The following NELFA variants were observed in gnomAD, a reference collection of about 807,000 sequenced individuals.
NELFA encodes the protein negative elongation factor A.
NELFA carries 35 observed loss-of-function variants against 51.8 expected under a neutral mutation model. The ratio of observed to expected loss-of-function variants is 0.68; its 90% CI spans 0.52 to 0.90. The LOEUF (loss-of-function observed/expected upper bound fraction) is 0.90. NELFA is among the 40% of genes least tolerant of loss of function. The pLI, the probability that NELFA is intolerant of heterozygous loss-of-function variation, is 0.00. For synonymous variants in NELFA, 417 were observed against 338.4 expected (o/e 1.23, Z -2.55); for missense variants, 658 against 746.4 (o/e 0.88, Z 1.38).
rs967508420 is a variant in NELFA, at chr4:1,989,612, G to A, written c.544+96C>T. The A allele has an allele frequency of 2.1e-5, 29 of 1,371,722 alleles. 1 individual carries two copies. Among genetic ancestry groups the A allele is most frequent in the South Asian group, 9.8e-5 (7 of 71,576 alleles). 85.0% of individuals were successfully genotyped at this position (1,371,722 alleles called of 1,614,324 possible). ...TGAGCCACCATGCCTGGCCCAGAAC[G>A]CCACCTTGAAGGGGCAGTCTTGGTA... is the stretch of plus-strand genomic sequence containing the variant. On this transcript the variant is annotated intron_variant, in intron 3 of 10. Coordinates refer to ENST00000382882, the MANE Select transcript of NELFA (RefSeq NM_005663.5). This position sits in a 1 kb window ranked among gnomAD's most constrained non-coding sequence, Gnocchi z 4.8.
At chr4:1,983,780 G>T in intron 9 of NELFA, 68 bp downstream of exon 9, 1 of 1,593,666 alleles carries the variant, frequency 6.3e-7, no homozygotes, top group South Asian at 1.1e-5. Flanking sequence ...GCACCCCCAC[G>T]CTAGGGGAGG....
rs140608861 is a variant in NELFA, at chr4:1,988,365, C to T, written c.545-358G>A. Among the ~76,000 whole-genome samples the T allele has an allele frequency of 5.1e-3, 772 of 152,360 alleles. 7 individuals carry two copies. The highest frequency in any genetic ancestry group is 0.017 in the African/African-American group (718 of 41,586). Reference sequence around the variant, plus strand: ...CGTCCTCGCTGAGGGTCAGCAGGCACGGTCTAGATACAAAAATATGAGGAA... The same window carrying T: ...CGTCCTCGCTGAGGGTCAGCAGGCATGGTCTAGATACAAAAATATGAGGAA... On this transcript the variant is annotated intron_variant, in intron 3 of 10. Transcript: ENST00000382882.
At chr4:2,006,007 GT>G (rs1275947864) in intron 1 of NELFA, among the ~76,000 whole-genome samples, 1 of 152,188 alleles carries the variant, frequency 6.6e-6, no homozygotes, top group East Asian at 1.9e-4. Context: ...TAAGATACAT[GT>G]GGAAGTGTGA....
intron 1 of NELFA, 144 bp downstream of exon 1, chr4:2,008,606 G>A (rs1577635175): frequency 3.4e-6 from 3 of 892,038 alleles, no homozygotes; most frequent in East Asian, 2.7e-5. Flanking sequence ...AGGAGGGGGC[G>A]TGAGGGCGGG....
chr4:1,983,530 G>A (rs553148), intron 10 of NELFA, 27 bp from the exon 11 acceptor site: 325,036 of 1,612,030 alleles, frequency 0.2, 34,679 homozygotes, highest in African/African-American at 0.37. Flanking sequence ...CTGCTGGGTG[G>A]GTGTCTGGGG....
At chr4:1,985,036 G>T (rs1299847276) in intron 7 of NELFA, 117 bp from the exon 8 acceptor site, 16 of 714,478 alleles carry the variant, frequency 2.2e-5, no homozygotes, top group Admixed American at 1.5e-4. Context: ...GCTAGAGCAG[G>T]AAGGCGGGGG....
rs1309434631 is a variant in NELFA at position 1,983,201 on chromosome 4, C to G, written c.*118G>C. The G allele has an allele frequency of 2.0e-6, 2 of 994,848 alleles. No individual in the cohort carries two copies. Among genetic ancestry groups the G allele is most frequent in the Non-Finnish European group, 2.9e-6 (2 of 682,410 alleles). The allele number at this position is 994,848 out of a possible 1,614,324, so 61.6% of individuals were successfully genotyped here. A position where few individuals can be genotyped will look rare whatever the true frequency, so the allele number is the denominator to read the frequency against. On this transcript the variant is annotated 3_prime_UTR_variant, in exon 11 of 11. Transcript: ENST00000382882. ...AACTTAAAACAGGCTGGGTCAGCAGCAGGGCGGCGGCCGGGGGACCTCGGG... is the reference window on the plus strand; with the variant it reads ...AACTTAAAACAGGCTGGGTCAGCAGGAGGGCGGCGGCCGGGGGACCTCGGG...
intron 1 of NELFA, among the ~76,000 whole-genome samples, chr4:2,006,635 G>T (rs569357238): frequency 6.6e-6 from 1 of 151,910 alleles, no homozygotes; most frequent in African/African-American, 2.4e-5. Context: ...GCCAGGCGTG[G>T]TGGCAGCGCA....
At chr4:2,006,456 G>C (rs1385920103) in intron 1 of NELFA, among the ~76,000 whole-genome samples, 1 of 152,096 alleles carries the variant, frequency 6.6e-6, no homozygotes, top group African/African-American at 2.4e-5. Context: ...TTAAAACTAG[G>C]AGCTTCTATT....
At chr4:2,000,042 A>G (rs1728530893) in intron 1 of NELFA, among the ~76,000 whole-genome samples, 1 of 152,252 alleles carries the variant, frequency 6.6e-6, no homozygotes, top group South Asian at 2.1e-4. Context: ...TAATGAAATT[A>G]AGGCAGAAAT....
At chr4:1,986,536 C>T in intron 4 of NELFA, 134 bp from the exon 5 acceptor site, 4 of 1,385,228 alleles carry the variant, frequency 2.9e-6, no homozygotes, top group Non-Finnish European at 3.9e-6. Flanking sequence ...GGGCAGCGGG[C>T]AGGACCCCCA....
At chr4:1,993,603 G>A (rs1269494042) in intron 1 of NELFA, among the ~76,000 whole-genome samples, 3 of 150,730 alleles carry the variant, frequency 2.0e-5, no homozygotes, top group Non-Finnish European at 4.4e-5. Context: ...AAGAAAGAAA[G>A]AAAAAGAAAA....
chr4:1,986,595 C>G, intron 4 of NELFA, 193 bp from the exon 5 acceptor site: 1 of 797,602 alleles, frequency 1.3e-6, no homozygotes, highest in Non-Finnish European at 1.9e-6. Context: ...CACGACCTCA[C>G]ACTTTGCCAA....
chr4:1,983,365 T>C lies in NELFA; in HGVS notation c.1541A>G (p.Gln514Arg). 1 of 1,614,206 alleles carries C rather than the reference T, an allele frequency of 6.2e-7. No individual in the cohort carries two copies. The highest frequency in any genetic ancestry group is 8.5e-7 in the Non-Finnish European group (1 of 1,180,026). ...TVFEMNYATG[Q>R]WTRFKKYKPM... ...CTTGTACTTCTTGAAGCGCGTCCAC[T>C]GGCCCGTGGCATAGTTCATCTCAAA... Residue 514 changes from glutamine to arginine, a missense_variant, in exon 11 of 11, where the codon CAG becomes CGG. Coordinates refer to ENST00000382882, the MANE Select transcript of NELFA (RefSeq NM_005663.5).
chr4:2,008,606 G>C (rs1577635175), intron 1 of NELFA, 144 bp downstream of exon 1: 1 of 892,038 alleles, frequency 1.1e-6, no homozygotes, highest in South Asian at 1.7e-5. Flanking sequence ...AGGAGGGGGC[G>C]TGAGGGCGGG....
rs757760500 is a variant in NELFA at position 1,989,682 on chromosome 4, G to A, written c.544+26C>T. 1.9e-6 allele frequency: 3 copies of A among 1,606,662 alleles called. No homozygotes were observed. Among genetic ancestry groups the A allele is most frequent in the East Asian group, 2.2e-5 (1 of 44,842 alleles). On this transcript the variant is annotated intron_variant, in intron 3 of 10. Coordinates refer to ENST00000382882, the MANE Select transcript of NELFA (RefSeq NM_005663.5). This position sits in a 1 kb window ranked among gnomAD's most constrained non-coding sequence, Gnocchi z 4.8. ...TATGACTGGAAACTACAAAGACAAT[G>A]CCCGATGGCGGCCGCGGCCACTCAC...
At chr4:1,997,191 A>T (rs1488691206) in intron 1 of NELFA, among the ~76,000 whole-genome samples, 1 of 152,250 alleles carries the variant, frequency 6.6e-6, no homozygotes, top group African/African-American at 2.4e-5. Context: ...TTTCAGGTCC[A>T]GAAGGCTTCA....
At position 1,985,836 on chromosome 4, in the gene NELFA, C is replaced by T. The variant is rs768845127; in HGVS notation, c.864G>A (p.Lys288=). The T allele has an allele frequency of 1.2e-6, 2 of 1,613,348 alleles. No individual in the cohort carries two copies. The highest frequency in any genetic ancestry group is 1.7e-6 in the Non-Finnish European group (2 of 1,179,782). The change falls in exon 7 of 11, where the codon AAG becomes AAA. Residue 288 remains lysine (K), a synonymous_variant. Transcript: ENST00000382882. ...TGGCGTTCTCCACCACCGTTTCCTC[C>T]TTGGCCGGCTTCTCCACCACCTCCG... ...LDAEVVEKPA[K]EETVVENATP...
In NELFA at chr4:1,986,337, G is replaced by C; in HGVS notation, c.700C>G (p.Pro234Ala). ...GGGATGGGGGTCCGGTTCCCTGTGG[G>C]GCTGAAGACGCTGGGCGCCGTGGGG... ...RSPTAPSVFS[P>A]TGNRTPIPPS... The change falls in exon 5 of 11, where the codon CCC becomes GCC. Residue 234 changes from proline (P) to alanine (A), a missense_variant. Transcript: ENST00000382882. The C allele has an allele frequency of 1.9e-6, 3 of 1,602,846 alleles. No individual in the cohort carries two copies. The highest frequency in any genetic ancestry group is 2.6e-6 in the Non-Finnish European group (3 of 1,175,068).
Sources: allele counts gnomAD v4.1 joint callset (sites outside exome capture counted in the v4.1 genomes callset), GRCh38; gene constraint gnomAD v4.1.1; non-coding constraint Gnocchi (gnomAD v3.1); transcripts MANE v1.5; gene names NCBI Gene and HGNC (gene_info 2026-07-23, HGNC 2026-07-21).